KLF3: variants seen among roughly 807,000 people sequenced by gnomAD.
KLF3 encodes Krueppel-like factor 3.
Under a neutral mutation model 32.7 loss-of-function variants are expected in KLF3, and 6 were observed. The observed-to-expected ratio is 0.18, with a 90% CI of 0.10 to 0.36. The LOEUF (loss-of-function observed/expected upper bound fraction) is 0.36. Ranked by LOEUF, KLF3 falls within the 10% of genes least tolerant of loss-of-function variation. KLF3 has a pLI of 1.00. For missense variants in KLF3, 338 were observed against 449.7 expected (o/e 0.75, Z 2.25); for synonymous variants, 145 against 172.8 (o/e 0.84, Z 1.26).
At chr4:38,664,513 C>G (rs1389837063) in intron 1 of KLF3, 52 bp downstream of exon 1, 1 of 152,502 alleles carries the variant, frequency 6.6e-6, no homozygotes. Context: ...CTGCCGCCCC[C>G]CTCCTCGGCC....
chr4:38,682,206 A>C (rs7693694), intron 2 of KLF3, among the ~76,000 whole-genome samples: 151,118 of 152,340 alleles, frequency 0.99, 74,958 homozygotes, highest in East Asian at 1. Context: ...TTACAGGCGC[A>C]TGCCACCACG....
chr4:38,683,699 CA>C (rs1232826510), intron 2 of KLF3, among the ~76,000 whole-genome samples: 2 of 150,812 alleles, frequency 1.3e-5, no homozygotes, highest in Non-Finnish European at 3.0e-5. Context: ...AGCAAGGAAA[CA>C]AATTGTAAAA....
rs756476726 is a variant in KLF3 at position 38,688,782 on chromosome 4, G to A, written c.255G>A (p.Pro85=). Reference sequence around the variant, plus strand: ...ATTCGCCCTCCTCTCTGAAGTTCCCGTCCTCACACCGGAGAGCCTCGCCTG... The same window carrying A: ...ATTCGCCCTCCTCTCTGAAGTTCCCATCCTCACACCGGAGAGCCTCGCCTG... ...AGNSPSSLKF[P]SSHRRASPGL... The change falls in exon 3 of 6, where the codon CCG becomes CCA. Residue 85 remains proline, a synonymous_variant. Transcript: ENST00000261438. The surrounding 1 kb of genome is among the most constrained non-coding windows in gnomAD (Gnocchi z 4.9). 24 of 1,614,022 alleles carry A rather than the reference G, an allele frequency of 1.5e-5. No individual in the cohort carries two copies. The highest frequency in any genetic ancestry group is 8.0e-5 in the African/African-American group (6 of 74,896).
chr4:38,668,136 A>C (rs562480426), intron 1 of KLF3, among the ~76,000 whole-genome samples: 20 of 152,286 alleles, frequency 1.3e-4, no homozygotes, highest in African/African-American at 4.6e-4. Context: ...TGCTCTTCTC[A>C]TTTTTGTTTT....
intron 2 of KLF3, among the ~76,000 whole-genome samples, chr4:38,687,326 A>T (rs751824315): frequency 3.9e-5 from 6 of 152,234 alleles, no homozygotes; most frequent in South Asian, 2.1e-4. Flanking sequence ...TAATTTTTTT[A>T]AATTAAAAAT....
intron 4 of KLF3, among the ~76,000 whole-genome samples, chr4:38,693,552 G>C (rs986599122): frequency 6.6e-6 from 1 of 151,980 alleles, no homozygotes; most frequent in African/African-American, 2.4e-5. Flanking sequence ...TCACGAGTTA[G>C]AGTGTTTACT....
chr4:38,680,744 G>A (rs983009887), intron 2 of KLF3, 62 bp downstream of exon 2: 1 of 1,296,730 alleles, frequency 7.7e-7, no homozygotes, highest in Admixed American at 1.7e-5. Flanking sequence ...ACATTATTGT[G>A]TGTTGAATTA....
chr4:38,687,863 ACCC>A (rs1042708866), intron 2 of KLF3, among the ~76,000 whole-genome samples: 2 of 151,690 alleles, frequency 1.3e-5, no homozygotes, highest in African/African-American at 4.8e-5. Flanking sequence ...ATGGTGACTG[ACCC>A]CCTCCTGGTT....
intron 1 of KLF3, chr4:38,664,871 G>A (rs1156680031): frequency 6.6e-6 from 1 of 152,212 alleles, no homozygotes; most frequent in Non-Finnish European, 1.5e-5. Context: ...CTCCGCGTGT[G>A]GCAACGTTGT....
intron 2 of KLF3, among the ~76,000 whole-genome samples, chr4:38,687,791 A>G (rs777242363): frequency 2.2e-4 from 33 of 152,182 alleles, no homozygotes; most frequent in Non-Finnish European, 4.4e-4. Context: ...AAGAACACTG[A>G]GCAAGTTAGG....
At chr4:38,676,574 A>T (rs1479978665) in intron 1 of KLF3, among the ~76,000 whole-genome samples, 1 of 152,210 alleles carries the variant, frequency 6.6e-6, no homozygotes, top group Non-Finnish European at 1.5e-5. Context: ...TTTTCTTTGC[A>T]TGTCCTTTAT....
At position 38,689,037 on chromosome 4, in the gene KLF3, G is replaced by A. The variant is rs759871541; in HGVS notation, c.510G>A (p.Ser170=). 80 of 1,613,696 alleles carry A rather than the reference G, an allele frequency of 5.0e-5. 3 individuals are homozygous for A. In the South Asian group the frequency reaches 6.7e-4, roughly 14 times the overall value. The change falls in exon 3 of 6, where the codon TCG becomes TCA. Residue 170 remains serine (S), a synonymous_variant. Coordinates refer to ENST00000261438, the MANE Select transcript of KLF3 (RefSeq NM_016531.6). The part of the protein sequence containing the change: ...HLQQPLMVSL[S]EEMENSSSSM... ...AGCAGCCTCTCATGGTCTCCTTATC[G>A]GAGGAGATGGAAAATTCCAGTAGTA...
Position 38,698,009 on chromosome 4 carries a change from C to A in KLF3, c.*746C>A, listed in dbSNP as rs77800130. 4,369 of 152,328 alleles carry A rather than the reference C, an allele frequency of 0.029. 132 individuals carry two copies. Among genetic ancestry groups the A allele is most frequent in the Admixed American group, 0.088 (1,350 of 15,298 alleles). 9.4% of individuals were successfully genotyped at this position (152,328 alleles called of 1,614,324 possible). A position where few individuals can be genotyped will look rare whatever the true frequency, so the allele number is the denominator to read the frequency against. On this transcript the variant is annotated 3_prime_UTR_variant, in exon 6 of 6. Coordinates refer to ENST00000261438, the MANE Select transcript of KLF3 (RefSeq NM_016531.6). ...CATTTAGCAGGGGGAGCAGAAGAGG[C>A]AATTCCTCCTGGGCTAGGGGTTGTC...
At chr4:38,689,213 C>G in intron 3 of KLF3, 142 bp downstream of exon 3, 1 of 1,037,952 alleles carries the variant, frequency 9.6e-7, no homozygotes, top group Non-Finnish European at 1.4e-6. Context: ...ATTTCCTTCC[C>G]CCGCCCCCCC....
rs145874381 is a variant in KLF3 at position 38,694,748 on chromosome 4, A to C, written c.698A>C (p.Asn233Thr). ...VSPPQALLQENHPSVIVQPGK... is the reference protein window; with the variant it reads ...VSPPQALLQETHPSVIVQPGK... ...GCCTGTAACCTTGGCTTTCACAGGA[A>C]TCACCCTTCGGTCATCGTGCAGCCT... is the stretch of plus-strand genomic sequence containing the variant. Residue 233 changes from asparagine (N) to threonine (T), a missense_variant and splice_region_variant, in exon 5 of 6, where the codon AAT (asparagine) becomes ACT (threonine). Physicochemically the swap from Asn to Thr is moderately conservative, Grantham distance 65 (BLOSUM62 0). This residue lies in a region of KLF3 where 272 missense variants were observed against 313.4 expected (regional missense o/e 0.87). Coordinates refer to ENST00000261438, the MANE Select transcript of KLF3 (RefSeq NM_016531.6). The C allele has an allele frequency of 8.2e-5, 127 of 1,551,312 alleles. No homozygotes were observed. The African/African-American group carries it at 1.7e-3, about 20-fold the overall frequency.
chr4:38,686,742 G>A (rs755686307), intron 2 of KLF3, among the ~76,000 whole-genome samples: 4 of 152,152 alleles, frequency 2.6e-5, no homozygotes, highest in African/African-American at 4.8e-5. Flanking sequence ...GTATAAGCTC[G>A]TTGTGTAGGT....
intron 5 of KLF3, 22 bp downstream of exon 5, chr4:38,694,928 C>T (rs1298757377): frequency 1.3e-6 from 2 of 1,566,278 alleles, no homozygotes; most frequent in Admixed American, 4.2e-5. Flanking sequence ...ACCAGACCCA[C>T]TTCATCTTTC....
At chr4:38,693,604 C>T (rs1722950236) in intron 4 of KLF3, among the ~76,000 whole-genome samples, 1 of 151,790 alleles carries the variant, frequency 6.6e-6, no homozygotes, top group African/African-American at 2.4e-5. Flanking sequence ...CCTTTTTTCT[C>T]CTCAAACACT....
chr4:38,700,059 C>G lies in KLF3; in HGVS notation c.*2796C>G, dbSNP rs192632499. On this transcript the variant is annotated 3_prime_UTR_variant, in exon 6 of 6. Transcript: ENST00000261438. ...TGTTATAGAGTTTCTTCAGTTGTTACCCAAGTGTCATCCTAGAGAAGTCAG... is the reference window on the plus strand; with the variant it reads ...TGTTATAGAGTTTCTTCAGTTGTTAGCCAAGTGTCATCCTAGAGAAGTCAG... 2.0e-5 allele frequency: 3 copies of G among 152,252 alleles called. No individual in the cohort carries two copies. Among genetic ancestry groups the G allele is most frequent in the Admixed American group, 6.5e-5 (1 of 15,288 alleles). The allele number at this position is 152,252 out of a possible 1,614,324, so 9.4% of individuals were successfully genotyped here.
Sources: allele counts gnomAD v4.1 joint callset (sites outside exome capture counted in the v4.1 genomes callset), GRCh38; gene constraint gnomAD v4.1.1; regional missense constraint gnomAD v4.1.1; non-coding constraint Gnocchi (gnomAD v3.1); transcripts MANE v1.5; gene names NCBI Gene and HGNC (gene_info 2026-07-23, HGNC 2026-07-21).